Variants in ATXN3 observed in about 807,000 individuals in gnomAD.
ATXN3 encodes ataxin 3, also known as ataxin-3.
A neutral mutation model predicts 58.2 loss-of-function variants in ATXN3; 28 were observed. The ratio of observed to expected loss-of-function variants is 0.48; its 90% CI spans 0.36 to 0.66. The LOEUF (loss-of-function observed/expected upper bound fraction) is 0.66, where lower values mean the gene tolerates loss of function less well. Among genes scored for constraint, ATXN3 ranks in the 30% least tolerant of loss-of-function variants. ATXN3 has a pLI of 0.00. For synonymous variants in ATXN3, 113 were observed against 138.5 expected, an observed-to-expected ratio of 0.82 and a Z score of 1.29; for missense variants, 321 against 422.1, an observed-to-expected ratio of 0.76 and a Z score of 2.10.
rs574887239 is a variant in ATXN3 at position 92,059,908 on chromosome 14, C to T, written c.*4412G>A. The T allele has an allele frequency of 6.6e-6, 1 of 151,580 alleles. No individual in the cohort carries two copies. Among genetic ancestry groups the T allele is most frequent in the Admixed American group, 6.6e-5 (1 of 15,208 alleles). 9.4% of individuals were successfully genotyped at this position (151,580 alleles called of 1,614,324 possible). Reference sequence around the variant, plus strand: ...TCCGGATTAAAAAAAAACAAACAAACCTTTAAGATGGAGTTTTACTCTTGT... The same window carrying T: ...TCCGGATTAAAAAAAAACAAACAAATCTTTAAGATGGAGTTTTACTCTTGT... On this transcript the variant is annotated 3_prime_UTR_variant, in exon 11 of 11. Coordinates refer to ENST00000644486, the MANE Select transcript of ATXN3 (RefSeq NM_004993.6).
chr14:92,076,939 C>CAAAAAAAAAAAAA (rs1157708694), intron 9 of ATXN3, among the ~76,000 whole-genome samples: 2 of 59,806 alleles, frequency 3.3e-5, no homozygotes, highest in Non-Finnish European at 6.4e-5. Flanking sequence ...GATTTCGTCT[C>CAAAAAAAAAAAAA]AAAAAAAAAA....
At chr14:92,096,005 A>C in intron 3 of ATXN3, 88 bp downstream of exon 3, 1 of 1,078,388 alleles carries the variant, frequency 9.3e-7, no homozygotes, top group Non-Finnish European at 1.4e-6. Context: ...GAACTTCCGA[A>C]GGTCGCCTTG....
chr14:92,055,953 C>A (rs1443312961), downstream of ATXN3, among the ~76,000 whole-genome samples: 1 of 151,822 alleles, frequency 6.6e-6, no homozygotes, highest in Non-Finnish European at 1.5e-5. This position sits in a 1 kb window ranked among gnomAD's most constrained non-coding sequence, Gnocchi z 4.5. Flanking sequence ...AGAACGAGGC[C>A]CTGTCTCAAA....
intron 1 of ATXN3, among the ~76,000 whole-genome samples, chr14:92,101,301 G>A (rs2066716927): frequency 6.6e-6 from 1 of 152,040 alleles, no homozygotes; most frequent in Admixed American, 6.6e-5. Flanking sequence ...ACTGTATTCT[G>A]GCCCAGGTGA....
Position 92,096,517 on chromosome 14 carries a change from G to A in ATXN3, c.189+157C>T, listed in dbSNP as rs962050100. On this transcript the variant is annotated intron_variant, in intron 2 of 10. Coordinates refer to ENST00000644486, the MANE Select transcript of ATXN3 (RefSeq NM_004993.6). The stretch of plus-strand genomic sequence containing the variant: ...CGTGTGCCTGTAATCCCAGCTACTT[G>A]GGAGGCTGAGGCAGGAGAATCGCTT... 1.4e-5 allele frequency: 11 copies of A among 813,370 alleles called. No homozygotes were observed. In the African/African-American group the frequency reaches 1.7e-4, roughly 13 times the overall value. 50.4% of individuals were successfully genotyped at this position (813,370 alleles called of 1,614,324 possible). A position where few individuals can be genotyped will look rare whatever the true frequency, so the allele number is the denominator to read the frequency against.
intron 1 of ATXN3, among the ~76,000 whole-genome samples, chr14:92,106,053 CG>C (rs2068250986): frequency 6.6e-6 from 1 of 152,064 alleles, no homozygotes; most frequent in African/African-American, 2.4e-5. Flanking sequence ...CAAAGATCTA[CG>C]TGTAGGGAAG....
upstream of ATXN3, among the ~76,000 whole-genome samples, chr14:92,053,080 C>T (rs926742906): frequency 1.4e-4 from 22 of 152,044 alleles, no homozygotes; most frequent in South Asian, 4.1e-4. Flanking sequence ...AGTGAAACCC[C>T]GTCTCTACTA....
At chr14:92,094,950 T>A (rs1014199109) in intron 3 of ATXN3, among the ~76,000 whole-genome samples, 1 of 152,060 alleles carries the variant, frequency 6.6e-6, no homozygotes, top group Non-Finnish European at 1.5e-5. Flanking sequence ...AACAAAGATA[T>A]CTGCAGAGAT....
intron 7 of ATXN3, among the ~76,000 whole-genome samples, chr14:92,082,798 C>T (rs2061702998): frequency 6.6e-6 from 1 of 151,842 alleles, no homozygotes; most frequent in African/African-American, 2.4e-5. Flanking sequence ...TATAGGCATA[C>T]ACCACCACAT....
At chr14:92,085,697 T>C (rs191951136) in intron 6 of ATXN3, among the ~76,000 whole-genome samples, 29 of 152,324 alleles carry the variant, frequency 1.9e-4, no homozygotes, top group Admixed American at 1.7e-3. Flanking sequence ...AAGTCTTTCA[T>C]AGACATGTTC....
chr14:92,103,320 G>C (rs1051796464), intron 1 of ATXN3, among the ~76,000 whole-genome samples: 1 of 152,178 alleles, frequency 6.6e-6, no homozygotes, highest in Non-Finnish European at 1.5e-5. Flanking sequence ...ATGTGTGACA[G>C]AGACTACAGC....
At chr14:92,073,832 C>T (rs975650504) in intron 9 of ATXN3, among the ~76,000 whole-genome samples, 14 of 151,292 alleles carry the variant, frequency 9.3e-5, no homozygotes. Flanking sequence ...GAGTGAGACT[C>T]TGTCTCAAAA....
At chr14:92,070,395 T>C (rs980147159) in intron 10 of ATXN3, among the ~76,000 whole-genome samples, 14 of 152,054 alleles carry the variant, frequency 9.2e-5, no homozygotes, top group Non-Finnish European at 7.4e-5. Flanking sequence ...CTGGCTAACA[T>C]GGTGAAACCC....
chr14:92,095,806 G>A (rs1050295653), intron 3 of ATXN3, among the ~76,000 whole-genome samples: 11 of 152,100 alleles, frequency 7.2e-5, no homozygotes, highest in African/African-American at 2.7e-4. Flanking sequence ...AACTGGTGTG[G>A]TGGCGGGTGC....
At chr14:92,083,368 G>T in intron 6 of ATXN3, 110 bp from the exon 7 acceptor site, 1 of 1,074,022 alleles carries the variant, frequency 9.3e-7, no homozygotes, top group Non-Finnish European at 1.3e-6. Flanking sequence ...AAAAATACAA[G>T]CTGAGGATTC....
Position 92,093,245 on chromosome 14 carries a change from A to T in ATXN3, c.387+7T>A. The stretch of plus-strand genomic sequence containing the variant: ...AAAAAAAGACAAGGAAGGGTAAGAA[A>T]TGTTACCTGTTTTCCTAATTTTCTA... On this transcript the variant is annotated splice_region_variant and intron_variant, in intron 5 of 10. Transcript: ENST00000644486. 4 of 1,488,500 alleles carry T rather than the reference A, an allele frequency of 2.7e-6. No homozygotes were observed. Among genetic ancestry groups the T allele is most frequent in the Non-Finnish European group, 3.7e-6 (4 of 1,077,614 alleles). 92.2% of individuals were successfully genotyped at this position (1,488,500 alleles called of 1,614,324 possible).
chr14:92,070,687 T>C, intron 10 of ATXN3: 1 of 997,764 alleles, frequency 1.0e-6, no homozygotes. Flanking sequence ...CTAGCAATCC[T>C]CTCCTGCCTT....
intron 2 of ATXN3, among the ~76,000 whole-genome samples, chr14:92,045,819 A>T (rs888699636): frequency 6.6e-6 from 1 of 152,190 alleles, no homozygotes; most frequent in Non-Finnish European, 1.5e-5. Flanking sequence ...GATAGGTGGA[A>T]GTTTCAGTCG....
At chr14:92,079,336 G>T in intron 9 of ATXN3, 2 of 566,080 alleles carry the variant, frequency 3.5e-6, no homozygotes, top group African/African-American at 2.0e-5. Flanking sequence ...AAAGTAAAAA[G>T]CACTAATAAG....
Sources: allele counts gnomAD v4.1 joint callset (sites outside exome capture counted in the v4.1 genomes callset), GRCh38; gene constraint gnomAD v4.1.1; non-coding constraint Gnocchi (gnomAD v3.1); transcripts MANE v1.5; gene names NCBI Gene and HGNC (gene_info 2026-07-23, HGNC 2026-07-21).